Variants in VTA1 observed in about 807,000 individuals in gnomAD.
VTA1 encodes the protein vesicle trafficking 1.
In VTA1, 24 loss-of-function variants were observed where a neutral mutation model predicts 36.9. The observed-to-expected ratio is 0.65, with a 90% CI of 0.47 to 0.91. The LOEUF (loss-of-function observed/expected upper bound fraction) is 0.91, where lower values mean the gene tolerates loss of function less well. Ranked by LOEUF, VTA1 falls within the 40% of genes least tolerant of loss-of-function variation. VTA1 has a pLI of 0.00. For missense variants in VTA1, 393 were observed against 377.2 expected (o/e 1.04, Z -0.35); for synonymous variants, 142 against 130.2 (o/e 1.09, Z -0.62).
At chr6:142,204,159 T>C in intron 7 of VTA1, 94 bp downstream of exon 7, 1 of 1,101,204 alleles carries the variant, frequency 9.1e-7, no homozygotes, top group Admixed American at 2.0e-5. Context: ...TATTTAAATG[T>C]TGTTACTGAA....
intron 5 of VTA1, among the ~76,000 whole-genome samples, chr6:142,197,138 C>G (rs1277885406): frequency 6.6e-6 from 1 of 152,096 alleles, no homozygotes; most frequent in Non-Finnish European, 1.5e-5. Flanking sequence ...GCTCTAGTGC[C>G]TTTATGTTGT....
At chr6:142,192,424 T>C (rs757115512) in intron 5 of VTA1, among the ~76,000 whole-genome samples, 14 of 152,084 alleles carry the variant, frequency 9.2e-5, no homozygotes, top group Non-Finnish European at 1.8e-4. Flanking sequence ...CATCGTATGT[T>C]GATGAGCATC....
chr6:142,151,276 A>G (rs923372133), intron 1 of VTA1, among the ~76,000 whole-genome samples: 4 of 152,192 alleles, frequency 2.6e-5, no homozygotes, highest in Non-Finnish European at 5.9e-5. Flanking sequence ...AGTCTCTTAC[A>G]TTTATACATG....
chr6:142,222,014 A>G lies in VTA1; in HGVS notation c.*3371A>G, dbSNP rs1465051617. The G allele has an allele frequency of 6.6e-6, 1 of 151,658 alleles. No individual in the cohort carries two copies. Among genetic ancestry groups the G allele is most frequent in the African/African-American group, 2.4e-5 (1 of 41,358 alleles). The allele number at this position is 151,658 out of a possible 1,614,324, so 9.4% of individuals were successfully genotyped here. A position where few individuals can be genotyped will look rare whatever the true frequency, so the allele number is the denominator to read the frequency against. On this transcript the variant is annotated 3_prime_UTR_variant, in exon 8 of 8. Transcript: ENST00000367630. The stretch of plus-strand genomic sequence containing the variant: ...ACAATAATCAAGGTGAGATATTATG[A>G]TGTCTTAGTCCAGGAGTAGCCTTGG...
intron 1 of VTA1, among the ~76,000 whole-genome samples, chr6:142,155,568 A>G (rs557245066): frequency 2.0e-5 from 3 of 152,328 alleles, no homozygotes; most frequent in East Asian, 3.9e-4. Context: ...CCATATGTCT[A>G]TCTGAAGAAA....
At chr6:142,214,011 T>G (rs1255883938) in intron 7 of VTA1, among the ~76,000 whole-genome samples, 1 of 152,186 alleles carries the variant, frequency 6.6e-6, no homozygotes, top group East Asian at 1.9e-4. Flanking sequence ...TTTTTTTTTG[T>G]ACCACATGAT....
At chr6:142,184,457 A>G (rs544689591) in intron 4 of VTA1, among the ~76,000 whole-genome samples, 1 of 152,330 alleles carries the variant, frequency 6.6e-6, no homozygotes, top group Non-Finnish European at 1.5e-5. Flanking sequence ...GCGTGGTTTC[A>G]CATTAGACTC....
At position 142,189,422 on chromosome 6, in the gene VTA1, T is replaced by C. The variant is rs558290053; in HGVS notation, c.412-4T>C. On this transcript the variant is annotated splice_region_variant and splice_polypyrimidine_tract_variant and intron_variant, in intron 4 of 7. Coordinates refer to ENST00000367630, the MANE Select transcript of VTA1 (RefSeq NM_016485.5). ...AATGTTGATATAAAAATGCTCTCTTTTAGAATGTGAAACACAGGAAGTATG... is the reference window on the plus strand; with the variant it reads ...AATGTTGATATAAAAATGCTCTCTTCTAGAATGTGAAACACAGGAAGTATG... 1.5e-4 allele frequency: 249 copies of C among 1,611,484 alleles called. 3 individuals carry two copies. In the South Asian group the frequency reaches 2.7e-3, roughly 18 times the overall value.
intron 5 of VTA1, among the ~76,000 whole-genome samples, chr6:142,191,277 T>G (rs918727429): frequency 6.6e-6 from 1 of 152,136 alleles, no homozygotes; most frequent in Non-Finnish European, 1.5e-5. Flanking sequence ...ACTAGCTGTT[T>G]TACTTTTCGG....
intron 5 of VTA1, among the ~76,000 whole-genome samples, chr6:142,195,762 A>G (rs986158722): frequency 1.3e-5 from 2 of 151,876 alleles, no homozygotes; most frequent in Non-Finnish European, 2.9e-5. Context: ...CCATAATTAT[A>G]GTTTTCTTTG....
chr6:142,211,192 A>G (rs1775896372), intron 7 of VTA1, among the ~76,000 whole-genome samples: 1 of 152,174 alleles, frequency 6.6e-6, no homozygotes. Context: ...GTGGAGGATG[A>G]AAGTGGAAAA....
At position 142,180,740 on chromosome 6, in the gene VTA1, A is replaced by T. The variant is rs112385671; in HGVS notation, c.412-8686A>T. On this transcript the variant is annotated intron_variant, in intron 4 of 7. Transcript: ENST00000367630. ...ATCCTAATAAGATGATCTGAAAAAG[A>T]CAAACATCGCTTCAGTGATAATGCT... Among the ~76,000 whole-genome samples the T allele has an allele frequency of 6.8e-3, 1,030 of 152,266 alleles. 14 individuals are homozygous for T. Among genetic ancestry groups the T allele is most frequent in the African/African-American group, 0.024 (982 of 41,554 alleles).
Position 142,189,598 on chromosome 6 carries a change from C to A in VTA1, c.520+64C>A, listed in dbSNP as rs372910734. ...AATCATAATTATTCAGTAGATTACT[C>A]AAAGTTTTTGGAGGGAACAATACAG... On this transcript the variant is annotated intron_variant, in intron 5 of 7. Coordinates refer to ENST00000367630, the MANE Select transcript of VTA1 (RefSeq NM_016485.5). The A allele has an allele frequency of 1.6e-5, 21 of 1,331,490 alleles. No individual in the cohort carries two copies. In the East Asian group the frequency reaches 3.6e-4, roughly 23 times the overall value. 82.5% of individuals were successfully genotyped at this position (1,331,490 alleles called of 1,614,324 possible). A position where few individuals can be genotyped will look rare whatever the true frequency, so the allele number is the denominator to read the frequency against.
intron 1 of VTA1, among the ~76,000 whole-genome samples, chr6:142,151,485 A>C (rs1389701827): frequency 1.3e-5 from 2 of 152,234 alleles, no homozygotes; most frequent in African/African-American, 4.8e-5. Context: ...GTTTCATCCA[A>C]ACAAGCTCCT....
At chr6:142,165,287 G>T (rs571174865) in intron 1 of VTA1, among the ~76,000 whole-genome samples, 1 of 152,244 alleles carries the variant, frequency 6.6e-6, no homozygotes, top group East Asian at 1.9e-4. Context: ...TGATACTTTT[G>T]TTTTGGGGGG....
intron 7 of VTA1, among the ~76,000 whole-genome samples, chr6:142,217,123 C>T (rs1331898627): frequency 6.6e-6 from 1 of 152,138 alleles, no homozygotes; most frequent in African/African-American, 2.4e-5. Context: ...AAGTCAGTAA[C>T]TTCTGTTAAA....
intron 5 of VTA1, among the ~76,000 whole-genome samples, chr6:142,191,920 A>T (rs1260072652): frequency 6.6e-6 from 1 of 152,072 alleles, no homozygotes; most frequent in Non-Finnish European, 1.5e-5. Context: ...TCTAAGTGTA[A>T]AAGGTAGTAT....
intron 4 of VTA1, among the ~76,000 whole-genome samples, chr6:142,176,674 T>C (rs1449591754): frequency 2.0e-5 from 3 of 151,962 alleles, no homozygotes; most frequent in Non-Finnish European, 4.4e-5. Context: ...AATAAATGAA[T>C]TACAAAAGAG....
chr6:142,181,330 T>C (rs1775234572), intron 4 of VTA1, among the ~76,000 whole-genome samples: 1 of 148,284 alleles, frequency 6.7e-6, no homozygotes, highest in South Asian at 2.1e-4. Flanking sequence ...AGATGGGGTT[T>C]CACTGTGTTA....
Sources: gnomAD v4.1 joint callset for allele counts (sites outside exome capture counted in the v4.1 genomes callset) on GRCh38, gnomAD v4.1.1 for gene constraint, MANE v1.5 for transcripts, NCBI Gene and HGNC (gene_info 2026-07-23, HGNC 2026-07-21) for gene names.